SERINC4: variants seen among roughly 807,000 people sequenced by gnomAD.
SERINC4 encodes the protein serine incorporator 4.
SERINC4 carries 52 observed loss-of-function variants against 52.0 expected under a neutral mutation model. The ratio of observed to expected loss-of-function variants is 1.00; its 90% CI spans 0.80 to 1.26. The LOEUF is 1.26. SERINC4 is among the 50% of genes most tolerant of loss of function. SERINC4 has a pLI of 0.00. For missense variants in SERINC4, 723 were observed against 632.8 expected (o/e 1.14, Z -1.53); for synonymous variants, 264 against 247.7 (o/e 1.07, Z -0.62).
chr15:43,799,001 T>C lies in SERINC4; in HGVS notation c.416A>G (p.His139Arg), dbSNP rs1596048889. ...FHLLQAVLLV[H>R]LHSPTSPRAQ... ...CCGCGGGCTGGTGGGGGAGTGGAGGTGGACCAGCAACACAGCCTGCAGCAG... is the reference window on the plus strand; with the variant it reads ...CCGCGGGCTGGTGGGGGAGTGGAGGCGGACCAGCAACACAGCCTGCAGCAG... Residue 139 changes from histidine (H) to arginine (R), a missense_variant, in exon 3 of 12, where the codon CAC becomes CGC. Physicochemically the swap from His to Arg is conservative, Grantham distance 29. Transcript: ENST00000319327. 18 of 1,549,718 alleles carry C rather than the reference T, an allele frequency of 1.2e-5. No individual in the cohort carries two copies. The highest frequency in any genetic ancestry group is 1.6e-5 in the Non-Finnish European group (18 of 1,146,848).
Position 43,800,135 on chromosome 15 carries a change from ACCT to A in SERINC4, c.-152_-150del. The stretch of plus-strand genomic sequence containing the variant: ...TGGAGACGTCCGGAAGAGAACACTG[ACCT>A]CCAGGTTGCGGTAAATGCAAATGCC... On this transcript the variant is annotated 5_prime_UTR_variant, in exon 1 of 12. Coordinates refer to ENST00000319327, the MANE Select transcript of SERINC4 (RefSeq NM_001258031.2). The A allele has an allele frequency of 1.6e-6, 1 of 618,528 alleles. No homozygotes were observed. Among genetic ancestry groups the A allele is most frequent in the Non-Finnish European group, 2.8e-6 (1 of 359,618 alleles). 38.3% of individuals were successfully genotyped at this position (618,528 alleles called of 1,614,324 possible).
Position 43,797,194 on chromosome 15 carries a change from G to A in SERINC4, c.795C>T (p.Cys265=). The change falls in exon 6 of 12, where the codon TGC becomes TGT. Residue 265 remains cysteine (C), a synonymous_variant. Coordinates refer to ENST00000319327, the MANE Select transcript of SERINC4 (RefSeq NM_001258031.2). ...LNKMLLSLHL[C]FCGLISFLSI... ...AGAGGAAGGAGATGAGGCCACAGAA[G>A]CAAAGGTGCAGACTGAGGAGCATCT... 1 of 1,551,066 alleles carries A rather than the reference G, an allele frequency of 6.4e-7. No homozygotes were observed. The highest frequency in any genetic ancestry group is 1.2e-5 in the South Asian group (1 of 84,072).
chr15:43,795,658 ACTT>A (rs751424100), intron 10 of SERINC4, 27 bp downstream of exon 10: 45 of 1,613,010 alleles, frequency 2.8e-5, no homozygotes, highest in Admixed American at 1.3e-4. Context: ...GAGATCTACC[ACTT>A]CTTATGGTTC....
rs1229301316 is a variant in SERINC4 at position 43,799,086 on chromosome 15, G to C, written c.331C>G (p.Pro111Ala). The change falls in exon 3 of 12, where the codon CCA becomes GCA. Residue 111 changes from proline to alanine, a missense_variant. Physicochemically the swap from Pro to Ala is conservative, Grantham distance 27. Transcript: ENST00000319327. Reference sequence around the variant, plus strand: ...ACAGCCCCAGAGCCACTGAGCACTGGACAGTCAGAGAGGCCAAACAGGTGG... The same window carrying C: ...ACAGCCCCAGAGCCACTGAGCACTGCACAGTCAGAGAGGCCAAACAGGTGG... ...CAHLFGLSDCPVLSGSGAVYR... is the reference protein window; with the variant it reads ...CAHLFGLSDCAVLSGSGAVYR... The C allele has an allele frequency of 4.5e-6, 7 of 1,550,458 alleles. No homozygotes were observed. The highest frequency in any genetic ancestry group is 5.2e-6 in the Non-Finnish European group (6 of 1,147,006).
chr15:43,796,358 T>C, intron 8 of SERINC4, 131 bp from the exon 9 acceptor site: 2 of 777,070 alleles, frequency 2.6e-6, no homozygotes, highest in South Asian at 1.7e-5. Context: ...CCACCAAAGA[T>C]TTAGAATTCT....
At chr15:43,795,666 T>A (rs200128740) in intron 10 of SERINC4, 22 bp downstream of exon 10, 3 of 1,613,536 alleles carry the variant, frequency 1.9e-6, no homozygotes, top group African/African-American at 2.7e-5. Context: ...CCACTTCTTA[T>A]GGTTCCTCAC....
Position 43,797,225 on chromosome 15 carries a change from A to G in SERINC4, c.764T>C (p.Leu255Pro). The G allele has an allele frequency of 6.4e-7, 1 of 1,550,812 alleles. No individual in the cohort carries two copies. Among genetic ancestry groups the G allele is most frequent in the Non-Finnish European group, 8.7e-7 (1 of 1,147,014 alleles). ...HYYTHPAGCLLNKMLLSLHLC... is the reference protein window; with the variant it reads ...HYYTHPAGCLPNKMLLSLHLC... ...GTGCAGACTGAGGAGCATCTTGTTA[A>G]GCAGGCAGCCAGCTGGGTGTGTATA... The change falls in exon 6 of 12, where the codon CTT becomes CCT. Residue 255 changes from leucine (L) to proline (P), a missense_variant. Leu to Pro is a moderately conservative substitution (Grantham distance 98, BLOSUM62 -3). Coordinates refer to ENST00000319327, the MANE Select transcript of SERINC4 (RefSeq NM_001258031.2).
In SERINC4 at chr15:43,797,203, C is replaced by T. The variant is rs2087233175; in HGVS notation, c.786G>A (p.Leu262=). 4 of 1,550,794 alleles carry T rather than the reference C, an allele frequency of 2.6e-6. No individual in the cohort carries two copies. The South Asian group carries it at 4.8e-5, about 18-fold the overall frequency. The change falls in exon 6 of 12, where the codon CTG becomes CTA. Residue 262 remains leucine (L), a synonymous_variant. Transcript: ENST00000319327. The stretch of plus-strand genomic sequence containing the variant: ...AGATGAGGCCACAGAAGCAAAGGTG[C>T]AGACTGAGGAGCATCTTGTTAAGCA... ...GCLLNKMLLS[L]HLCFCGLISF... is the part of the protein sequence containing the mutation.
Position 43,796,511 on chromosome 15 carries a change from G to A in SERINC4, c.1067+105C>T, listed in dbSNP as rs144333201. Reference sequence around the variant, plus strand: ...TTTGTGGGGAGCTTTTCTCACTCTAGTCTTGCTCTAAACTTTAAATAATGG... The same window carrying A: ...TTTGTGGGGAGCTTTTCTCACTCTAATCTTGCTCTAAACTTTAAATAATGG... On this transcript the variant is annotated intron_variant, in intron 8 of 11. Transcript: ENST00000319327. 33 of 1,284,348 alleles carry A rather than the reference G, an allele frequency of 2.6e-5. No individual in the cohort carries two copies. In the East Asian group the frequency reaches 3.5e-4, roughly 14 times the overall value. The allele number at this position is 1,284,348 out of a possible 1,614,324, so 79.6% of individuals were successfully genotyped here.
At position 43,796,157 on chromosome 15, in the gene SERINC4, G is replaced by T. The variant is rs767992795; in HGVS notation, c.1138C>A (p.Gln380Lys). The change falls in exon 9 of 12, where the codon CAG becomes AAG. Residue 380 changes from glutamine (Q) to lysine (K), a missense_variant and splice_region_variant. Coordinates refer to ENST00000319327, the MANE Select transcript of SERINC4 (RefSeq NM_001258031.2). ...GATATGGAGCTCTTTATCCTCACCT[G>T]AAACTCATAGCTGTAAACCTTGACA... ...WIVKVYSYEF[Q>K]KPSLCFCCPE... 5.6e-6 allele frequency: 9 copies of T among 1,611,892 alleles called. No individual in the cohort carries two copies. Among genetic ancestry groups the T allele is most frequent in the African/African-American group, 1.3e-5 (1 of 74,876 alleles).
chr15:43,795,620 CTCTTGAGGGT>C, intron 10 of SERINC4, 58 bp downstream of exon 10: 1 of 1,610,564 alleles, frequency 6.2e-7, no homozygotes. Flanking sequence ...TTTGTTAAGG[CTCTTGAGGGT>C]TCTTATGGCA....
chr15:43,799,104 A>C lies in SERINC4; in HGVS notation c.313T>G (p.Phe105Val). The C allele has an allele frequency of 6.5e-7, 1 of 1,550,246 alleles. No individual in the cohort carries two copies. The highest frequency in any genetic ancestry group is 2.4e-5 in the East Asian group (1 of 40,906). The stretch of plus-strand genomic sequence containing the variant: ...AGCACTGGACAGTCAGAGAGGCCAA[A>C]CAGGTGGGCACACAACCCCGAGGGC... ...QMPSGLCAHLFGLSDCPVLSG... is the reference protein window; with the variant it reads ...QMPSGLCAHLVGLSDCPVLSG... Residue 105 changes from phenylalanine (F) to valine (V), a missense_variant, in exon 3 of 12, where the codon TTT becomes GTT. Physicochemically the swap from Phe to Val is conservative, Grantham distance 50. Transcript: ENST00000319327.
chr15:43,796,781 A>T, intron 7 of SERINC4, 39 bp from the exon 8 acceptor site: 1 of 1,614,052 alleles, frequency 6.2e-7, no homozygotes, highest in Middle Eastern at 1.6e-4. Context: ...ATTAACAATG[A>T]GCTAGGTATT....
intron 5 of SERINC4, 112 bp from the exon 6 acceptor site, chr15:43,797,468 C>T (rs2087238717): frequency 1.3e-6 from 1 of 742,404 alleles, no homozygotes; most frequent in Admixed American, 2.6e-5. Flanking sequence ...TCTCAGCTCA[C>T]TGCAACCTCC....
At chr15:43,799,753 A>G (rs2141697020) in intron 1 of SERINC4, 132 bp downstream of exon 1, 1 of 844,472 alleles carries the variant, frequency 1.2e-6, no homozygotes, top group Non-Finnish European at 2.0e-6. Flanking sequence ...ACATGGCGGG[A>G]GAGATTTACA....
rs1291720318 is a variant in SERINC4, at chr15:43,799,601, T to C, written c.103-115A>G. The C allele has an allele frequency of 3.9e-6, 5 of 1,292,122 alleles. No homozygotes were observed. In the Admixed American group the frequency reaches 9.9e-5, roughly 26 times the overall value. The allele number at this position is 1,292,122 out of a possible 1,614,324, so 80.0% of individuals were successfully genotyped here. A position where few individuals can be genotyped will look rare whatever the true frequency, so the allele number is the denominator to read the frequency against. Reference sequence around the variant, plus strand: ...TGAATTCCAAAATTTCCCCTTCCCCTTTCTTCCTTTTACTCAGGTTCTGTT... The same window carrying C: ...TGAATTCCAAAATTTCCCCTTCCCCCTTCTTCCTTTTACTCAGGTTCTGTT... On this transcript the variant is annotated intron_variant, in intron 1 of 11. Coordinates refer to ENST00000319327, the MANE Select transcript of SERINC4 (RefSeq NM_001258031.2).
At chr15:43,797,483 C>A in intron 5 of SERINC4, 127 bp from the exon 6 acceptor site, 2 of 676,446 alleles carry the variant, frequency 3.0e-6, no homozygotes, top group Non-Finnish European at 2.5e-6. Flanking sequence ...ACCTCCGCCT[C>A]TTGGGTTCAA....
chr15:43,797,029 G>T (rs1044780112), intron 6 of SERINC4, 89 bp from the exon 7 acceptor site: 2 of 1,431,786 alleles, frequency 1.4e-6, no homozygotes, highest in African/African-American at 2.8e-5. Flanking sequence ...CCCATCCTTT[G>T]GTGGGGATAG....
Position 43,800,116 on chromosome 15 carries a change from C to G in SERINC4, c.-130G>C, listed in dbSNP as rs1301958310. 1 of 672,788 alleles carries G rather than the reference C, an allele frequency of 1.5e-6. No homozygotes were observed. The highest frequency in any genetic ancestry group is 2.8e-5 in the East Asian group (1 of 35,978). The allele number at this position is 672,788 out of a possible 1,614,324, so 41.7% of individuals were successfully genotyped here. A position where few individuals can be genotyped will look rare whatever the true frequency, so the allele number is the denominator to read the frequency against. On this transcript the variant is annotated 5_prime_UTR_variant, in exon 1 of 12. Transcript: ENST00000319327. The stretch of plus-strand genomic sequence containing the variant: ...CACCCGGTCCCGGGCAGAATGGAGA[C>G]GTCCGGAAGAGAACACTGACCTCCA...
Sources: gnomAD v4.1 joint callset for allele counts on GRCh38, gnomAD v4.1.1 for gene constraint, MANE v1.5 for transcripts, NCBI Gene and HGNC (gene_info 2026-07-23, HGNC 2026-07-21) for gene names.